The following LZTFL1 variants were observed in gnomAD, a reference collection of about 807,000 sequenced individuals.
The protein encoded by LZTFL1 is leucine zipper transcription factor-like protein 1.
A neutral mutation model predicts 45.9 loss-of-function variants in LZTFL1; 25 were observed. The ratio of observed to expected loss-of-function variants is 0.54; its 90% CI spans 0.40 to 0.76. The LOEUF (loss-of-function observed/expected upper bound fraction) is 0.76, where lower values mean the gene tolerates loss of function less well. Among genes scored for constraint, LZTFL1 ranks in the 30% least tolerant of loss-of-function variants. The pLI is 0.00. For missense variants in LZTFL1, 277 were observed against 331.1 expected (o/e 0.84, Z 1.27); for synonymous variants, 93 against 117.4 (o/e 0.79, Z 1.35).
chr3:45,828,750 C>T (rs963777481), intron 7 of LZTFL1, 135 bp from the exon 8 acceptor site: 5 of 758,832 alleles, frequency 6.6e-6, no homozygotes, highest in African/African-American at 5.3e-5. Context: ...CCCTTGCCAG[C>T]CTAGGTAAGT....
At chr3:45,878,821 C>T (rs1343438997) in intron 2 of LZTFL1, among the ~76,000 whole-genome samples, 1 of 152,234 alleles carries the variant, frequency 6.6e-6, no homozygotes, top group Non-Finnish European at 1.5e-5. Flanking sequence ...TGGCTCACGC[C>T]TGTAATCCCA....
chr3:45,898,206 T>C (rs1324997621), intron 2 of LZTFL1, among the ~76,000 whole-genome samples: 1 of 152,108 alleles, frequency 6.6e-6, no homozygotes, highest in Non-Finnish European at 1.5e-5. Flanking sequence ...CCTTCTATTC[T>C]CAAGTTCTTC....
chr3:45,834,011 G>C (rs1407730498), intron 4 of LZTFL1, among the ~76,000 whole-genome samples: 1 of 152,190 alleles, frequency 6.6e-6, no homozygotes, highest in African/African-American at 2.4e-5. Flanking sequence ...TGAACTTAGG[G>C]ATCATGTGTA....
At chr3:45,848,460 T>A (rs1159159865) in intron 4 of LZTFL1, among the ~76,000 whole-genome samples, 2 of 152,238 alleles carry the variant, frequency 1.3e-5, no homozygotes, top group African/African-American at 4.8e-5. Flanking sequence ...AGTATTGCGC[T>A]ACACACAAAA....
At chr3:45,861,386 G>A (rs2125709296) in intron 2 of LZTFL1, among the ~76,000 whole-genome samples, 2 of 152,230 alleles carry the variant, frequency 1.3e-5, no homozygotes, top group South Asian at 4.2e-4. Flanking sequence ...TTTGCTGAAT[G>A]TTTGTATTTT....
upstream of LZTFL1, among the ~76,000 whole-genome samples, chr3:45,845,756 C>A (rs1188877561): frequency 1.3e-5 from 2 of 152,056 alleles, no homozygotes; most frequent in African/African-American, 4.8e-5. Context: ...AAAATGTAAA[C>A]AAAAAATTAA....
chr3:45,895,710 T>C (rs1022483256), intron 2 of LZTFL1, among the ~76,000 whole-genome samples: 1 of 149,278 alleles, frequency 6.7e-6, no homozygotes, highest in African/African-American at 2.5e-5. Context: ...CGAGACTCTG[T>C]CTTAAAAAAA....
At chr3:45,851,291 A>C (rs1463478227) in intron 4 of LZTFL1, among the ~76,000 whole-genome samples, 3 of 145,762 alleles carry the variant, frequency 2.1e-5, no homozygotes, top group East Asian at 4.0e-4. Flanking sequence ...CAGTGGCATG[A>C]TCTCGGCTCA....
At chr3:45,904,869 C>T (rs997902272) in intron 2 of LZTFL1, among the ~76,000 whole-genome samples, 3 of 152,134 alleles carry the variant, frequency 2.0e-5, no homozygotes, top group Non-Finnish European at 4.4e-5. Context: ...AGAACTGGAG[C>T]TTCTTGTGGG....
At chr3:45,869,508 C>G (rs1701636202) in intron 2 of LZTFL1, among the ~76,000 whole-genome samples, 1 of 152,132 alleles carries the variant, frequency 6.6e-6, no homozygotes, top group African/African-American at 2.4e-5. Context: ...AAGTTCTGCC[C>G]TCCCTAGCCT....
chr3:45,877,232 CTTT>C (rs565054826), intron 2 of LZTFL1, among the ~76,000 whole-genome samples: 13 of 139,046 alleles, frequency 9.3e-5, no homozygotes, highest in Admixed American at 5.1e-4. Flanking sequence ...ACAAGCATCT[CTTT>C]TTTTTTTTTT....
chr3:45,871,891 C>T (rs1701676190), intron 2 of LZTFL1, among the ~76,000 whole-genome samples: 1 of 152,214 alleles, frequency 6.6e-6, no homozygotes, highest in South Asian at 2.1e-4. Context: ...CAACTATTTC[C>T]TGTAGAAATC....
chr3:45,879,498 G>A (rs1197230886), intron 2 of LZTFL1, among the ~76,000 whole-genome samples: 2 of 152,234 alleles, frequency 1.3e-5, no homozygotes, highest in Non-Finnish European at 2.9e-5. Flanking sequence ...GTTGCCAGGA[G>A]TAAGGTGGAA....
intron 2 of LZTFL1, chr3:45,897,424 T>C (rs1336799076): frequency 3.0e-6 from 2 of 673,190 alleles, no homozygotes; most frequent in Non-Finnish European, 5.3e-6. Flanking sequence ...CCCCCTGGGC[T>C]TCCAGCAGGA....
chr3:45,840,531 G>C (rs1242955201), intron 1 of LZTFL1, among the ~76,000 whole-genome samples: 1 of 152,192 alleles, frequency 6.6e-6, no homozygotes, highest in Non-Finnish European at 1.5e-5. Flanking sequence ...TAGATATGAT[G>C]ATCAGTCCTA....
intron 2 of LZTFL1, among the ~76,000 whole-genome samples, chr3:45,881,137 G>C: frequency 6.6e-6 from 1 of 152,196 alleles, no homozygotes; most frequent in African/African-American, 2.4e-5. Context: ...AGGAGTTGAG[G>C]ATGACACATA....
intron 2 of LZTFL1, among the ~76,000 whole-genome samples, chr3:45,907,164 G>C (rs1278721084): frequency 1.3e-5 from 2 of 152,136 alleles, no homozygotes; most frequent in African/African-American, 4.8e-5. Context: ...CCAGGCTTAG[G>C]CCCCAGTCCC....
At chr3:45,828,035 A>G (rs938614125) in intron 8 of LZTFL1, among the ~76,000 whole-genome samples, 1 of 152,064 alleles carries the variant, frequency 6.6e-6, no homozygotes, top group Non-Finnish European at 1.5e-5. Context: ...TCTAATCCCC[A>G]AAGTGAAGAA....
chr3:45,878,297 G>C (rs1280260495), intron 2 of LZTFL1, among the ~76,000 whole-genome samples: 1 of 152,188 alleles, frequency 6.6e-6, no homozygotes, highest in Non-Finnish European at 1.5e-5. Flanking sequence ...GCAGGGGCCT[G>C]ACCTTTTGAT....
Sources: gnomAD v4.1 joint callset for allele counts (sites outside exome capture counted in the v4.1 genomes callset) on GRCh38, gnomAD v4.1.1 for gene constraint, MANE v1.5 for transcripts, NCBI Gene and HGNC (gene_info 2026-07-23, HGNC 2026-07-21) for gene names.